AFF2: variants seen among roughly 807,000 people sequenced by gnomAD.
AFF2 encodes the protein ALF transcription elongation factor 2, also known as AF4/FMR2 family member 2.
AFF2 carries 14 observed loss-of-function variants against 76.9 expected under a neutral mutation model. That is an observed-to-expected ratio of 0.18 (90% CI 0.12 to 0.28). AFF2 has a LOEUF of 0.28. Ranked by LOEUF, AFF2 falls within the 10% of genes least tolerant of loss-of-function variation. AFF2 has a pLI of 1.00. For synonymous variants in AFF2, 398 were observed against 366.7 expected, an observed-to-expected ratio of 1.09 and a Z score of -0.98; for missense variants, 868 against 1,001.1, an observed-to-expected ratio of 0.87 and a Z score of 1.79.
At position 148,772,813 on chromosome X, in the gene AFF2, G is replaced by A. The variant is rs185360627; in HGVS notation, c.1042-37063G>A. Among the ~76,000 whole-genome samples the A allele has an allele frequency of 2.0e-4, 22 of 111,146 alleles. No individual in the cohort carries two copies. The Admixed American group carries it at 2.1e-3, about 11-fold the overall frequency. On this transcript the variant is annotated intron_variant, in intron 3 of 20. Coordinates refer to ENST00000370460, the MANE Select transcript of AFF2 (RefSeq NM_002025.4). ...CCCTATGGAATCACCAACAAAAAAT[G>A]AGCAGCAAATAATAACTAATAATTC... is the stretch of plus-strand genomic sequence containing the variant.
chrX:148,617,023 A>G (rs1402314362), intron 1 of AFF2, among the ~76,000 whole-genome samples: 5 of 111,693 alleles, frequency 4.5e-5, no homozygotes, highest in Non-Finnish European at 7.5e-5. Flanking sequence ...GAATAATGCC[A>G]CAATAAACAT....
chrX:148,767,194 A>C lies in AFF2; in HGVS notation c.1042-42682A>C, dbSNP rs782057677. Among the ~76,000 whole-genome samples the C allele has an allele frequency of 2.7e-5, 3 of 110,900 alleles. No homozygotes were observed. The South Asian group carries it at 1.2e-3, about 43-fold the overall frequency. ...ATGGAAGAGGGAAAGGATTTTAAAC[A>C]TCCAAATAAAAATAATAATTTATCA... On this transcript the variant is annotated intron_variant, in intron 3 of 20. Transcript: ENST00000370460.
intron 15 of AFF2, among the ~76,000 whole-genome samples, chrX:148,968,635 T>C (rs1310476017): frequency 8.9e-6 from 1 of 112,431 alleles, no homozygotes; most frequent in East Asian, 2.8e-4. Context: ...ATACCATGAC[T>C]AGTGTGTAGC....
intron 9 of AFF2, among the ~76,000 whole-genome samples, chrX:148,907,407 C>T (rs781787866): frequency 3.6e-5 from 4 of 111,416 alleles, no homozygotes; most frequent in South Asian, 3.8e-4. Context: ...TCCTGTCGGG[C>T]GAAATTCACC....
chrX:148,574,943 G>GGTGTGT (rs781819721), intron 1 of AFF2, among the ~76,000 whole-genome samples: 244 of 95,663 alleles, frequency 2.6e-3, no homozygotes, highest in Non-Finnish European at 3.8e-3. Context: ...ATAGTGCTGG[G>GGTGTGT]GTGTGTGTGT....
chrX:148,997,232 G>C lies in AFF2; in HGVS notation c.*5900G>C, dbSNP rs2072613262. On this transcript the variant is annotated 3_prime_UTR_variant, in exon 21 of 21. Coordinates refer to ENST00000370460, the MANE Select transcript of AFF2 (RefSeq NM_002025.4). ...TTCCACCCAGTACGAAGAAAACTAA[G>C]CTCAGTAACAAGAAGGCATAAACTA... 9.0e-6 allele frequency: 1 copy of C among 111,222 alleles called. No individual in the cohort carries two copies. Among genetic ancestry groups the C allele is most frequent in the Non-Finnish European group, 1.9e-5 (1 of 53,066 alleles). 9.2% of individuals were successfully genotyped at this position (111,222 alleles called of 1,213,427 possible). A position where few individuals can be genotyped will look rare whatever the true frequency, so the allele number is the denominator to read the frequency against.
At chrX:148,863,253 A>G (rs1200440517) in intron 7 of AFF2, among the ~76,000 whole-genome samples, 2 of 112,004 alleles carry the variant, frequency 1.8e-5, no homozygotes, top group African/African-American at 3.2e-5. Flanking sequence ...GGGTAGGGTT[A>G]AATTTAGAAA....
chrX:148,807,284 C>G (rs1557271425), intron 3 of AFF2, among the ~76,000 whole-genome samples: 1 of 111,786 alleles, frequency 8.9e-6, no homozygotes, highest in Non-Finnish European at 1.9e-5. Flanking sequence ...GACGAGAAGA[C>G]AGGACTTAAG....
intron 3 of AFF2, among the ~76,000 whole-genome samples, chrX:148,711,251 G>T (rs989660507): frequency 8.7e-4 from 97 of 111,535 alleles, no homozygotes; most frequent in African/African-American, 3.1e-3. Context: ...TTGTAAAATG[G>T]ATAAACTGCC....
intron 7 of AFF2, among the ~76,000 whole-genome samples, chrX:148,862,224 T>TGCTA (rs199561138): frequency 0.034 from 3,810 of 110,687 alleles, 172 homozygotes; most frequent in African/African-American, 0.12. Context: ...CCATTCTGAA[T>TGCTA]GCTAGTATTA....
At chrX:148,590,783 C>T (rs2053515707) in intron 1 of AFF2, among the ~76,000 whole-genome samples, 1 of 111,996 alleles carries the variant, frequency 8.9e-6, no homozygotes, top group African/African-American at 3.3e-5. Flanking sequence ...TTCCTACTCC[C>T]AAGACCCAGT....
At chrX:148,957,435 C>T (rs782296927) in intron 11 of AFF2, among the ~76,000 whole-genome samples, 1 of 111,071 alleles carries the variant, frequency 9.0e-6, no homozygotes, top group Admixed American at 9.6e-5. Flanking sequence ...CATCATTCAG[C>T]TTGACTTTAC....
intron 7 of AFF2, among the ~76,000 whole-genome samples, chrX:148,865,700 G>A (rs1367501597): frequency 8.9e-6 from 1 of 112,053 alleles, no homozygotes; most frequent in Non-Finnish European, 1.9e-5. Flanking sequence ...GTAGAACATA[G>A]GGTAGGCAAG....
chrX:148,896,096 G>A (rs1491003551), intron 8 of AFF2, among the ~76,000 whole-genome samples: 4 of 111,497 alleles, frequency 3.6e-5, no homozygotes, highest in East Asian at 2.8e-4. Flanking sequence ...ACATGGACTC[G>A]AGGGTCATTA....
chrX:148,606,829 T>G (rs1461017957), intron 1 of AFF2, among the ~76,000 whole-genome samples: 1 of 111,652 alleles, frequency 9.0e-6, no homozygotes, highest in Non-Finnish European at 1.9e-5. Context: ...AAGTGCCAAT[T>G]AACAGAGATT....
chrX:148,544,086 G>A (rs1290938701), intron 1 of AFF2, among the ~76,000 whole-genome samples: 2 of 111,971 alleles, frequency 1.8e-5, no homozygotes, highest in Non-Finnish European at 3.8e-5. Flanking sequence ...TTCGAACTTG[G>A]AGTGAATGGT....
At chrX:148,767,049 C>T (rs2124594651) in intron 3 of AFF2, among the ~76,000 whole-genome samples, 1 of 111,042 alleles carries the variant, frequency 9.0e-6, no homozygotes, top group East Asian at 2.8e-4. Flanking sequence ...TAGAATGATA[C>T]TTGAAATGCC....
intron 1 of AFF2, among the ~76,000 whole-genome samples, chrX:148,628,312 A>C (rs2053947614): frequency 9.0e-6 from 1 of 111,231 alleles, no homozygotes; most frequent in Admixed American, 9.6e-5. Context: ...TAAAATATTA[A>C]TGTAATATAC....
At position 148,981,694 on chromosome X, in the gene AFF2, G is replaced by A. The variant is rs140168412; in HGVS notation, c.3623+904G>A. 3.6e-3 allele frequency among the ~76,000 whole-genome samples: 408 copies of A among 111,958 alleles called. 3 individuals are homozygous for A. The highest frequency in any genetic ancestry group is 0.013 in the African/African-American group (398 of 30,837). ...AACTAGATGACTGTGGACATAGACC[G>A]CTTTATAACTCCAAGCTGCTTTTTC... On this transcript the variant is annotated intron_variant, in intron 19 of 20. Transcript: ENST00000370460.
Sources: gnomAD v4.1 joint callset for allele counts (sites outside exome capture counted in the v4.1 genomes callset) on GRCh38, gnomAD v4.1.1 for gene constraint, MANE v1.5 for transcripts, NCBI Gene and HGNC (gene_info 2026-07-23, HGNC 2026-07-21) for gene names.